RGS12: variants seen among roughly 807,000 people sequenced by gnomAD.
RGS12 encodes the protein regulator of G-protein signaling 12.
Under a neutral mutation model 120.1 loss-of-function variants are expected in RGS12, and 66 were observed. The observed-to-expected ratio is 0.55, with a 90% CI of 0.45 to 0.67. The LOEUF is 0.67. Among genes scored for constraint, RGS12 ranks in the 30% least tolerant of loss-of-function variants. The pLI is 0.00. For missense variants in RGS12, 1,859 were observed against 1,957.7 expected (o/e 0.95, Z 0.95); for synonymous variants, 827 against 804.7 (o/e 1.03, Z -0.47).
intron 2 of RGS12, among the ~76,000 whole-genome samples, chr4:3,329,831 A>G (rs565621357): frequency 7.1e-6 from 1 of 141,736 alleles, no homozygotes; most frequent in South Asian, 2.1e-4. Context: ...TCAGTCTATT[A>G]CGTTTAGTTG....
At chr4:3,364,480 C>T (rs898244195) in intron 3 of RGS12, among the ~76,000 whole-genome samples, 7 of 152,126 alleles carry the variant, frequency 4.6e-5, no homozygotes, top group Non-Finnish European at 7.3e-5. Context: ...GGCCAGGCAA[C>T]GTCCTGCCTT....
Position 3,414,543 on chromosome 4 carries a change from G to C in RGS12, c.2191-209G>C, listed in dbSNP as rs947438633. The C allele has an allele frequency of 5.0e-6, 3 of 602,144 alleles. No individual in the cohort carries two copies. The African/African-American group carries it at 5.6e-5, about 11-fold the overall frequency. 37.3% of individuals were successfully genotyped at this position (602,144 alleles called of 1,614,324 possible). A position where few individuals can be genotyped will look rare whatever the true frequency, so the allele number is the denominator to read the frequency against. ...TTAAGAAGCCAGGTGCCTGTTGCCA[G>C]CTCTTCAAAGAGATGTTTTGCTTTT... On this transcript the variant is annotated intron_variant, in intron 5 of 17. Coordinates refer to ENST00000336727, the MANE Select transcript of RGS12 (RefSeq NM_001394154.1).
At chr4:3,422,831 C>G (rs1259738544) in intron 11 of RGS12, 74 bp from the exon 12 acceptor site, 28 of 1,323,678 alleles carry the variant, frequency 2.1e-5, no homozygotes, top group Non-Finnish European at 2.7e-5. Flanking sequence ...CAGCTGTGTG[C>G]CTGGGGCACG....
In RGS12 at chr4:3,389,161, A is replaced by G. The variant is rs1190822638; in HGVS notation, c.2020+2724A>G. On this transcript the variant is annotated intron_variant, in intron 4 of 17. Coordinates refer to ENST00000336727, the MANE Select transcript of RGS12 (RefSeq NM_001394154.1). This position sits in a 1 kb window ranked among gnomAD's most constrained non-coding sequence, Gnocchi z 5.2. ...GGCTCGGTTTTAAGGAAGTTGGACT[A>G]TGCTATTTTGGCAATCTTTGTCAAG... is the stretch of plus-strand genomic sequence containing the variant. Among the ~76,000 whole-genome samples the G allele has an allele frequency of 6.6e-6, 1 of 152,114 alleles. No individual in the cohort carries two copies. The highest frequency in any genetic ancestry group is 6.5e-5 in the Admixed American group (1 of 15,276).
chr4:3,411,392 G>A (rs1435155865), intron 4 of RGS12, among the ~76,000 whole-genome samples: 2 of 152,326 alleles, frequency 1.3e-5, no homozygotes, highest in South Asian at 2.1e-4. Context: ...GTGTGTTCTC[G>A]TGTTAGGCCT....
intron 3 of RGS12, among the ~76,000 whole-genome samples, chr4:3,383,652 C>T (rs948693238): frequency 2.6e-5 from 4 of 152,060 alleles, no homozygotes; most frequent in Non-Finnish European, 4.4e-5. Flanking sequence ...TAATTTTTTC[C>T]ATAAATTTAA....
At chr4:3,398,113 G>A (rs1201938584) in intron 4 of RGS12, among the ~76,000 whole-genome samples, 1 of 152,168 alleles carries the variant, frequency 6.6e-6, no homozygotes, top group African/African-American at 2.4e-5. Context: ...ATTATAAGGA[G>A]TTATATAAAT....
At chr4:3,351,987 C>T (rs1361907389) in intron 3 of RGS12, among the ~76,000 whole-genome samples, 2 of 151,708 alleles carry the variant, frequency 1.3e-5, no homozygotes, top group Admixed American at 1.3e-4. Flanking sequence ...CAGAATCAAG[C>T]AAGGGAAAAA....
Position 3,372,059 on chromosome 4 carries a change from A to T in RGS12, c.1999-14357A>T, listed in dbSNP as rs1156661394. Among the ~76,000 whole-genome samples, 1 of 152,126 alleles carries T rather than the reference A, an allele frequency of 6.6e-6. No homozygotes were observed. On this transcript the variant is annotated intron_variant, in intron 3 of 17. Coordinates refer to ENST00000336727, the MANE Select transcript of RGS12 (RefSeq NM_001394154.1). The surrounding 1 kb of genome is among the most constrained non-coding windows in gnomAD (Gnocchi z 4.3). ...GGGAAGATGCCCGTGCCTGTCACCT[A>T]ATCGGGGCACCTCATCCTGTTTCAT...
At chr4:3,370,514 C>T (rs898065153) in intron 3 of RGS12, among the ~76,000 whole-genome samples, 3 of 152,354 alleles carry the variant, frequency 2.0e-5, no homozygotes, top group South Asian at 2.1e-4. Context: ...GCTCTGGGAC[C>T]GCAGCACGTC....
Position 3,374,483 on chromosome 4 carries a change from A to G in RGS12, c.1999-11933A>G, listed in dbSNP as rs1717416487. ...TGCCCTGGGCCCCGGTCTCAGTGACAGGTCCACATCTTCTCACCGTCTCTC... is the reference window on the plus strand; with the variant it reads ...TGCCCTGGGCCCCGGTCTCAGTGACGGGTCCACATCTTCTCACCGTCTCTC... On this transcript the variant is annotated intron_variant, in intron 3 of 17. Coordinates refer to ENST00000336727, the MANE Select transcript of RGS12 (RefSeq NM_001394154.1). The surrounding 1 kb of genome is among the most constrained non-coding windows in gnomAD (Gnocchi z 6.3). 6.6e-6 allele frequency among the ~76,000 whole-genome samples: 1 copy of G among 152,070 alleles called. No individual in the cohort carries two copies. The highest frequency in any genetic ancestry group is 2.4e-5 in the African/African-American group (1 of 41,416).
chr4:3,353,562 C>T (rs144820935), intron 3 of RGS12, among the ~76,000 whole-genome samples: 1 of 152,258 alleles, frequency 6.6e-6, no homozygotes, highest in East Asian at 1.9e-4. Context: ...TGTTTCTTCC[C>T]TGATGTGGCA....
chr4:3,431,617 T>C (rs1254596907), intron 17 of RGS12: 1 of 985,428 alleles, frequency 1.0e-6, no homozygotes, highest in Non-Finnish European at 1.2e-6. Context: ...GATGTTTCCG[T>C]GAGCCACAAA....
chr4:3,417,131 G>T (rs959359906), intron 8 of RGS12, 39 bp downstream of exon 8: 1 of 1,545,288 alleles, frequency 6.5e-7, no homozygotes, highest in African/African-American at 1.4e-5. Flanking sequence ...CCTGTGGGTT[G>T]TGTGTCATCA....
intron 3 of RGS12, among the ~76,000 whole-genome samples, chr4:3,377,983 G>A (rs1717872418): frequency 1.3e-5 from 2 of 152,162 alleles, no homozygotes; most frequent in Non-Finnish European, 1.5e-5. Flanking sequence ...ACTTACTGGG[G>A]TCTTTTTCCA....
chr4:3,349,943 A>C (rs951286031), intron 3 of RGS12, among the ~76,000 whole-genome samples: 3 of 152,228 alleles, frequency 2.0e-5, no homozygotes, highest in African/African-American at 4.8e-5. Flanking sequence ...TTCAGATTAC[A>C]TGACAGTCTA....
intron 3 of RGS12, among the ~76,000 whole-genome samples, chr4:3,384,338 G>A (rs1718591278): frequency 6.6e-6 from 1 of 152,064 alleles, no homozygotes; most frequent in Admixed American, 6.5e-5. Flanking sequence ...TATTTTAGTA[G>A]AGACGAGGTC....
chr4:3,331,037 G>A (rs1711778696), intron 2 of RGS12, among the ~76,000 whole-genome samples: 1 of 152,226 alleles, frequency 6.6e-6, no homozygotes, highest in Non-Finnish European at 1.5e-5. Flanking sequence ...TATTCCTGTG[G>A]AAGAAGGGGA....
intron 3 of RGS12, chr4:3,369,863 G>A: frequency 4.0e-6 from 1 of 248,624 alleles, no homozygotes; most frequent in Non-Finnish European, 6.6e-6. Context: ...CAGTAAGCTG[G>A]TGCATGTGGA....
Sources: allele counts gnomAD v4.1 joint callset (sites outside exome capture counted in the v4.1 genomes callset), GRCh38; gene constraint gnomAD v4.1.1; non-coding constraint Gnocchi (gnomAD v3.1); transcripts MANE v1.5; gene names NCBI Gene and HGNC (gene_info 2026-07-23, HGNC 2026-07-21).